C5orf58: variants seen among roughly 807,000 people sequenced by gnomAD.
C5orf58 encodes chromosome 5 open reading frame 58.
C5orf58 carries 2 observed loss-of-function variants against 2.9 expected under a neutral mutation model. The ratio of observed to expected loss-of-function variants is 0.69; its 90% CI spans 0.28 to 2.18. The LOEUF (loss-of-function observed/expected upper bound fraction) is 2.18. Among genes scored for constraint, C5orf58 ranks in the 30% most tolerant of loss-of-function variants. The pLI, the probability that C5orf58 is intolerant of heterozygous loss-of-function variation, is 0.13. For synonymous variants in C5orf58, 37 were observed against 33.4 expected (o/e 1.11, Z -0.37); for missense variants, 96 against 91.7 (o/e 1.05, Z -0.19).
At chr5:170,242,522 G>C (rs1365627675) in intron 3 of C5orf58, among the ~76,000 whole-genome samples, 3 of 119,294 alleles carry the variant, frequency 2.5e-5, no homozygotes, top group South Asian at 3.2e-4. Context: ...TGTATGTGTC[G>C]AGGAATTTAT....
At chr5:170,233,307 A>G (rs2113075555) in intron 1 of C5orf58, 1 of 152,438 alleles carries the variant, frequency 6.6e-6, no homozygotes, top group East Asian at 1.9e-4. Flanking sequence ...GTTCATTCCA[A>G]ATCCTGTCTG....
At chr5:170,249,717 G>A (rs1761389324), downstream of C5orf58, among the ~76,000 whole-genome samples, 4 of 152,200 alleles carry the variant, frequency 2.6e-5, no homozygotes, top group South Asian at 2.1e-4. Context: ...AGCCTGGATC[G>A]CCCCAGCCTT....
chr5:170,245,059 C>A (rs1195438920), intron 3 of C5orf58, among the ~76,000 whole-genome samples: 3 of 122,306 alleles, frequency 2.5e-5, no homozygotes, highest in African/African-American at 8.0e-5. Context: ...TCAGTGTGCC[C>A]CTGCTGGGGG....
intron 3 of C5orf58, among the ~76,000 whole-genome samples, chr5:170,237,780 G>C (rs1166731155): frequency 2.6e-5 from 4 of 152,106 alleles, no homozygotes; most frequent in Non-Finnish European, 5.9e-5. Context: ...CAAAAGACTT[G>C]AGGTTAAAAC....
downstream of C5orf58, chr5:170,247,338 C>T (rs566227805): frequency 6.6e-6 from 1 of 152,308 alleles, no homozygotes; most frequent in East Asian, 1.9e-4. Flanking sequence ...AAAGTCTCTA[C>T]CTTCTGCATA....
intron 3 of C5orf58, among the ~76,000 whole-genome samples, chr5:170,245,363 T>C: frequency 6.6e-6 from 1 of 152,060 alleles, no homozygotes. Flanking sequence ...TGGGCGCCCC[T>C]CCCCCAGCCT....
chr5:170,237,461 A>T (rs1223319987), intron 3 of C5orf58: 1 of 393,696 alleles, frequency 2.5e-6, no homozygotes, highest in Non-Finnish European at 4.5e-6. Context: ...CCTGAGATTT[A>T]AATTTAAGTG....
chr5:170,237,399 GTAAA>G (rs1350205778), intron 3 of C5orf58: 5 of 397,460 alleles, frequency 1.3e-5, no homozygotes, highest in Non-Finnish European at 2.2e-5. Context: ...TTACAGATGT[GTAAA>G]TAGAGAGATT....
At chr5:170,251,218 A>C (rs1561965186), downstream of C5orf58, 2 of 225,574 alleles carry the variant, frequency 8.9e-6, no homozygotes, top group Non-Finnish European at 8.8e-6. Flanking sequence ...CAGGAGAAAT[A>C]AAATACTTTA....
intron 3 of C5orf58, among the ~76,000 whole-genome samples, chr5:170,243,161 G>A (rs1761096892): frequency 6.7e-6 from 1 of 149,492 alleles, no homozygotes; most frequent in Admixed American, 6.7e-5. Context: ...TATAATCTCT[G>A]TTCTTTTACA....
chr5:170,244,602 G>A (rs1277311814), intron 3 of C5orf58, among the ~76,000 whole-genome samples: 2 of 151,932 alleles, frequency 1.3e-5, no homozygotes, highest in Admixed American at 1.3e-4. Context: ...TCTTCACGTA[G>A]TTCTCGAGCC....
At chr5:170,240,953 T>TAAGG (rs1760978697) in intron 3 of C5orf58, among the ~76,000 whole-genome samples, 1 of 151,300 alleles carries the variant, frequency 6.6e-6, no homozygotes, top group African/African-American at 2.4e-5. Flanking sequence ...GATTTTTGTA[T>TAAGG]AAGGTGTAAG....
intron 3 of C5orf58, among the ~76,000 whole-genome samples, chr5:170,240,659 T>G (rs113380008): frequency 0.13 from 19,687 of 151,496 alleles, 1,511 homozygotes; most frequent in East Asian, 0.21. Flanking sequence ...GAGTTCACTG[T>G]AGATTCTGGA....
intron 3 of C5orf58, among the ~76,000 whole-genome samples, chr5:170,241,658 C>T (rs966196774): frequency 6.6e-6 from 1 of 150,420 alleles, no homozygotes; most frequent in African/African-American, 2.5e-5. Flanking sequence ...AGTTGCTTAT[C>T]AGCTTAAGGA....
chr5:170,242,809 C>A (rs1761076982), intron 3 of C5orf58, among the ~76,000 whole-genome samples: 1 of 151,586 alleles, frequency 6.6e-6, no homozygotes, highest in South Asian at 2.1e-4. Flanking sequence ...TTATTTCTTG[C>A]CTTCTGCTAG....
At chr5:170,252,267 A>G, downstream of C5orf58, 2 of 432,822 alleles carry the variant, frequency 4.6e-6, no homozygotes, top group East Asian at 3.3e-5. Flanking sequence ...AATCCCTGCT[A>G]TGGGTGCTGG....
At chr5:170,245,358 GC>G (rs1342470506) in intron 3 of C5orf58, among the ~76,000 whole-genome samples, 1 of 152,200 alleles carries the variant, frequency 6.6e-6, no homozygotes, top group Non-Finnish European at 1.5e-5. Context: ...AATGGTGGGC[GC>G]CCCTCCCCCA....
At chr5:170,233,634 C>G (rs1171259633) in intron 1 of C5orf58, 1 of 157,864 alleles carries the variant, frequency 6.3e-6, no homozygotes, top group South Asian at 1.9e-4. Flanking sequence ...GGCTTCTGAC[C>G]CCCCATTCCT....
At chr5:170,248,023 A>G (rs2113140485), downstream of C5orf58, 1 of 152,324 alleles carries the variant, frequency 6.6e-6, no homozygotes, top group Admixed American at 6.5e-5. Flanking sequence ...ATTTTCTTTA[A>G]GACAAAAATA....
Sources: allele counts gnomAD v4.1 joint callset (sites outside exome capture counted in the v4.1 genomes callset), GRCh38; gene constraint gnomAD v4.1.1; transcripts MANE v1.5; gene names NCBI Gene and HGNC (gene_info 2026-07-23, HGNC 2026-07-21).